The following SPPL3 variants were observed in gnomAD, a reference collection of about 807,000 sequenced individuals.
The protein encoded by SPPL3 is signal peptide peptidase-like 3.
A neutral mutation model predicts 42.4 loss-of-function variants in SPPL3; 5 were observed. The ratio of observed to expected loss-of-function variants is 0.12; its 90% CI spans 0.06 to 0.25. The LOEUF (loss-of-function observed/expected upper bound fraction) is 0.25, where lower values mean the gene tolerates loss of function less well. Ranked by LOEUF, SPPL3 falls within the 10% of genes least tolerant of loss-of-function variation. The pLI is 1.00. For missense variants in SPPL3, 235 were observed against 489.0 expected (o/e 0.48, Z 4.90); for synonymous variants, 195 against 181.8 (o/e 1.07, Z -0.58).
intron 1 of SPPL3, among the ~76,000 whole-genome samples, chr12:120,865,916 G>C (rs1000508138): frequency 6.6e-6 from 1 of 152,206 alleles, no homozygotes; most frequent in African/African-American, 2.4e-5. Flanking sequence ...CCTCCTGTCA[G>C]ATCAGCAGTG....
intron 6 of SPPL3, among the ~76,000 whole-genome samples, chr12:120,772,520 T>C (rs995948805): frequency 1.3e-5 from 2 of 152,224 alleles, no homozygotes; most frequent in East Asian, 3.8e-4. Context: ...ATTCAATAAA[T>C]ACTTGCTGAA....
At chr12:120,903,741 C>A (rs1170229154) in intron 1 of SPPL3, 104 bp downstream of exon 1, 2 of 738,682 alleles carry the variant, frequency 2.7e-6, no homozygotes, top group Non-Finnish European at 4.0e-6. Context: ...CGCCCCCCCC[C>A]CACGACACGC....
At chr12:120,900,138 A>T (rs757026338) in intron 1 of SPPL3, among the ~76,000 whole-genome samples, 3 of 152,150 alleles carry the variant, frequency 2.0e-5, no homozygotes, top group African/African-American at 4.8e-5. Flanking sequence ...TCCAGTAATG[A>T]TCAACTCATT....
chr12:120,830,860 T>C (rs1181282294), intron 1 of SPPL3, among the ~76,000 whole-genome samples: 4 of 152,130 alleles, frequency 2.6e-5, no homozygotes, highest in Admixed American at 6.5e-5. Flanking sequence ...GTTAATTTTA[T>C]GTATCAATTT....
chr12:120,846,489 T>C (rs1020301976), intron 1 of SPPL3, among the ~76,000 whole-genome samples: 4 of 152,212 alleles, frequency 2.6e-5, no homozygotes, highest in African/African-American at 9.6e-5. Flanking sequence ...AGTATTTCCA[T>C]TTAAAATAGT....
At chr12:120,772,411 T>G (rs776519056) in intron 6 of SPPL3, among the ~76,000 whole-genome samples, 1 of 152,222 alleles carries the variant, frequency 6.6e-6, no homozygotes, top group Admixed American at 6.5e-5. Flanking sequence ...ATTTACATAC[T>G]GGTAAGTTTA....
chr12:120,886,714 A>G (rs1456831136), intron 1 of SPPL3, among the ~76,000 whole-genome samples: 1 of 152,194 alleles, frequency 6.6e-6, no homozygotes, highest in Non-Finnish European at 1.5e-5. Context: ...CAGTAACAAT[A>G]TAAAACTAAA....
At chr12:120,893,246 C>G (rs1159098187) in intron 1 of SPPL3, among the ~76,000 whole-genome samples, 3 of 151,676 alleles carry the variant, frequency 2.0e-5, no homozygotes, top group Non-Finnish European at 4.4e-5. Flanking sequence ...GTCAGGAGAT[C>G]GAGACCATCC....
intron 1 of SPPL3, among the ~76,000 whole-genome samples, chr12:120,812,260 G>A (rs1173490425): frequency 2.0e-5 from 3 of 151,692 alleles, no homozygotes; most frequent in Admixed American, 6.6e-5. Context: ...TCAGTCTCTC[G>A]AGTAGCTGGG....
At chr12:120,865,941 T>C (rs1000754561) in intron 1 of SPPL3, among the ~76,000 whole-genome samples, 6 of 152,170 alleles carry the variant, frequency 3.9e-5, no homozygotes, top group African/African-American at 7.2e-5. Context: ...TAGATTCTCA[T>C]AGGAGTGAGA....
rs778118436 is a variant in SPPL3, at chr12:120,791,480, C to T, written c.179G>A (p.Ser60Asn). 1.2e-6 allele frequency: 2 copies of T among 1,602,842 alleles called. No individual in the cohort carries two copies. Among genetic ancestry groups the T allele is most frequent in the South Asian group, 2.3e-5 (2 of 88,732 alleles). Residue 60 changes from serine to asparagine, a missense_variant, in exon 3 of 11, where the codon AGC (serine) becomes AAC (asparagine). Transcript: ENST00000353487. ...NSSSGSFNGN[S>N]TNNSIQTIDS... is the part of the protein sequence containing the mutation. ...ATAAAATATCTTACTATTATTGGTG[C>T]TGTTGCCATTGAAAGACCCAGAAGA... is the stretch of plus-strand genomic sequence containing the variant.
At chr12:120,778,528 C>T (rs751845334) in intron 6 of SPPL3, among the ~76,000 whole-genome samples, 9 of 152,086 alleles carry the variant, frequency 5.9e-5, no homozygotes, top group Non-Finnish European at 8.8e-5. Context: ...ACATCACCCC[C>T]AAAACCCCTG....
At chr12:120,820,728 G>A (rs1871039775) in intron 1 of SPPL3, among the ~76,000 whole-genome samples, 1 of 151,888 alleles carries the variant, frequency 6.6e-6, no homozygotes, top group African/African-American at 2.4e-5. Flanking sequence ...AACAGAATAG[G>A]TATGTTATGA....
intron 2 of SPPL3, among the ~76,000 whole-genome samples, chr12:120,807,103 T>C (rs1343241779): frequency 6.6e-6 from 1 of 152,146 alleles, no homozygotes; most frequent in African/African-American, 2.4e-5. Context: ...GAGAGAATTT[T>C]TGACTAGACA....
At chr12:120,815,305 T>A (rs1244806094) in intron 1 of SPPL3, among the ~76,000 whole-genome samples, 1 of 152,176 alleles carries the variant, frequency 6.6e-6, no homozygotes, top group Non-Finnish European at 1.5e-5. Flanking sequence ...TTTTTACCCA[T>A]CTGAGAGATG....
At chr12:120,892,272 A>G (rs903320516) in intron 1 of SPPL3, among the ~76,000 whole-genome samples, 1 of 152,172 alleles carries the variant, frequency 6.6e-6, no homozygotes, top group Admixed American at 6.5e-5. Context: ...TACAAAGTGC[A>G]TTGTCAAAAC....
At chr12:120,884,088 C>T (rs1481055860) in intron 1 of SPPL3, among the ~76,000 whole-genome samples, 1 of 113,912 alleles carries the variant, frequency 8.8e-6, no homozygotes, top group Non-Finnish European at 1.7e-5. Flanking sequence ...GCAACAACAG[C>T]GAAACTATGT....
chr12:120,819,021 T>G (rs1325435146), intron 1 of SPPL3, among the ~76,000 whole-genome samples: 2 of 152,250 alleles, frequency 1.3e-5, no homozygotes, highest in Non-Finnish European at 2.9e-5. Context: ...GCATTCCATC[T>G]ACTGTCATAT....
intron 1 of SPPL3, among the ~76,000 whole-genome samples, chr12:120,856,214 C>CT (rs1872451382): frequency 6.6e-6 from 1 of 151,986 alleles, no homozygotes; most frequent in East Asian, 1.9e-4. Context: ...TTCCAGTCCC[C>CT]TTGTGGCTTA....
Sources: gnomAD v4.1 joint callset for allele counts (sites outside exome capture counted in the v4.1 genomes callset) on GRCh38, gnomAD v4.1.1 for gene constraint, MANE v1.5 for transcripts, NCBI Gene and HGNC (gene_info 2026-07-23, HGNC 2026-07-21) for gene names.